Variants in ADAM20 observed in about 807,000 individuals in gnomAD.
ADAM20 encodes the protein disintegrin and metalloproteinase domain-containing protein 20.
For missense variants in ADAM20, 871 were observed against 883.2 expected (o/e 0.99, Z 0.18); for synonymous variants, 305 against 310.2 (o/e 0.98, Z 0.18).
the ADAM20 span, among the ~76,000 whole-genome samples, chr14:70,542,655 A>G: frequency 6.6e-6 from 1 of 152,110 alleles, no homozygotes; most frequent in African/African-American, 2.4e-5. Context: ...TAAAAGGCCT[A>G]TGTCCAGGCA....
At chr14:70,561,382 T>C in the ADAM20 span, among the ~76,000 whole-genome samples, 3 of 152,258 alleles carry the variant, frequency 2.0e-5, no homozygotes, top group Admixed American at 1.3e-4. Context: ...TTGGAACTTG[T>C]ATTTAAAAGA....
At position 70,523,432 on chromosome 14, in the gene ADAM20, A is replaced by G. The variant is rs1883502606; in HGVS notation, c.1326T>C (p.His442=). ...TTCCAAAAGCACAAGCAGCCCCAGG[A>G]TGTAGAGTACAGTTTAACAGACAAC... The part of the protein sequence containing the change: ...DPCCLLNCTL[H]PGAACAFGIC... Residue 442 remains histidine (H), a synonymous_variant, in exon 2 of 2, where the codon CAT becomes CAC. Coordinates refer to ENST00000256389, the MANE Select transcript of ADAM20 (RefSeq NM_003814.5). The G allele has an allele frequency of 9.3e-6, 15 of 1,613,956 alleles. No individual in the cohort carries two copies. Among genetic ancestry groups the G allele is most frequent in the Non-Finnish European group, 1.3e-5 (15 of 1,179,990 alleles).
the ADAM20 span, among the ~76,000 whole-genome samples, chr14:70,578,660 A>G: frequency 6.6e-6 from 1 of 152,132 alleles, no homozygotes; most frequent in Admixed American, 6.5e-5. Context: ...AAAACAAATA[A>G]CATTAAAAGT....
chr14:70,574,264 G>C, the ADAM20 span, among the ~76,000 whole-genome samples: 3 of 152,178 alleles, frequency 2.0e-5, no homozygotes, highest in African/African-American at 7.2e-5. Context: ...TAAATGTCTT[G>C]AGACAAATGA....
At chr14:70,554,372 C>T in the ADAM20 span, among the ~76,000 whole-genome samples, 2 of 152,152 alleles carry the variant, frequency 1.3e-5, no homozygotes, top group African/African-American at 2.4e-5. Context: ...CAATTAACAA[C>T]TCCACTTATA....
chr14:70,555,783 C>T, the ADAM20 span, among the ~76,000 whole-genome samples: 2 of 152,144 alleles, frequency 1.3e-5, no homozygotes, highest in Admixed American at 1.3e-4. Context: ...TGTCTCTACT[C>T]GTCCCTCTGC....
chr14:70,576,017 G>GTT, the ADAM20 span, among the ~76,000 whole-genome samples: 1 of 152,152 alleles, frequency 6.6e-6, no homozygotes, highest in African/African-American at 2.4e-5. Flanking sequence ...CAGTTAGCAT[G>GTT]TTTAACTCAA....
intron 1 of ADAM20, among the ~76,000 whole-genome samples, chr14:70,526,000 C>T (rs546459508): frequency 3.3e-4 from 50 of 152,260 alleles, no homozygotes; most frequent in Middle Eastern, 3.4e-3. Context: ...CCTGGATCTA[C>T]ACATTTCAAT....
rs1434522430 is a variant in ADAM20 at position 70,522,690 on chromosome 14, T to G, written c.2068A>C (p.Lys690Gln). ...NNMEGLNVMG[K>Q]LRYLSLLCLL... ...CACAATAGTGACAGGTAACGCAACTTTCCCATCACATTTAATCCTTCCATG... is the reference window on the plus strand; with the variant it reads ...CACAATAGTGACAGGTAACGCAACTGTCCCATCACATTTAATCCTTCCATG... The change falls in exon 2 of 2, where the codon AAG (lysine) becomes CAG (glutamine). Residue 690 changes from lysine (K) to glutamine (Q), a missense_variant. Transcript: ENST00000256389. The G allele has an allele frequency of 6.2e-7, 1 of 1,613,996 alleles. No individual in the cohort carries two copies. Among genetic ancestry groups the G allele is most frequent in the East Asian group, 2.2e-5 (1 of 44,870 alleles).
the ADAM20 span, among the ~76,000 whole-genome samples, chr14:70,572,975 T>C: frequency 7.9e-5 from 12 of 152,066 alleles, no homozygotes; most frequent in Admixed American, 1.3e-4. Flanking sequence ...TGCTTATAAA[T>C]TGTTGGTAGA....
chr14:70,573,389 G>A, the ADAM20 span, among the ~76,000 whole-genome samples: 17 of 152,136 alleles, frequency 1.1e-4, no homozygotes, highest in Non-Finnish European at 2.2e-4. Flanking sequence ...GGATACACAG[G>A]AGACATAAAG....
chr14:70,567,811 G>A, the ADAM20 span, among the ~76,000 whole-genome samples: 3 of 152,260 alleles, frequency 2.0e-5, no homozygotes, highest in Admixed American at 1.3e-4. Flanking sequence ...GGAACCAAAA[G>A]TATTTATGAA....
Position 70,522,420 on chromosome 14 carries a change from G to T in ADAM20, c.*157C>A. ...TGTAGAGTAAGTAAGAATAGGCTAG[G>T]AATCCTTTGCTGTGATAGCTAATGC... On this transcript the variant is annotated 3_prime_UTR_variant, in exon 2 of 2. Coordinates refer to ENST00000256389, the MANE Select transcript of ADAM20 (RefSeq NM_003814.5). 1 of 744,980 alleles carries T rather than the reference G, an allele frequency of 1.3e-6. No homozygotes were observed. The highest frequency in any genetic ancestry group is 2.1e-6 in the Non-Finnish European group (1 of 472,708). 46.1% of individuals were successfully genotyped at this position (744,980 alleles called of 1,614,324 possible).
chr14:70,559,794 T>C, the ADAM20 span, among the ~76,000 whole-genome samples: 1 of 151,984 alleles, frequency 6.6e-6, no homozygotes, highest in African/African-American at 2.4e-5. Flanking sequence ...TTGACCTGTG[T>C]AGATGGAGGG....
intron 1 of ADAM20, among the ~76,000 whole-genome samples, chr14:70,526,096 G>C (rs1469381942): frequency 6.6e-6 from 1 of 152,186 alleles, no homozygotes; most frequent in African/African-American, 2.4e-5. Flanking sequence ...AATTTGAGTA[G>C]ACTTAAAAAC....
the ADAM20 span, among the ~76,000 whole-genome samples, chr14:70,575,149 T>C: frequency 2.0e-5 from 3 of 150,744 alleles, no homozygotes; most frequent in African/African-American, 7.3e-5. Context: ...AACAATATTG[T>C]ATTGTGTACT....
upstream of ADAM20, among the ~76,000 whole-genome samples, chr14:70,538,924 A>T (rs1182058388): frequency 6.6e-6 from 1 of 152,244 alleles, no homozygotes; most frequent in Non-Finnish European, 1.5e-5. Context: ...CAGCCTGCCA[A>T]GTAGCTGGGA....
At chr14:70,530,961 C>T (rs1053132851) in intron 1 of ADAM20, among the ~76,000 whole-genome samples, 7 of 149,808 alleles carry the variant, frequency 4.7e-5, no homozygotes, top group South Asian at 4.2e-4. Context: ...GAAAAAACTA[C>T]GCTGAAAGTC....
Position 70,524,608 on chromosome 14 carries a change from G to C in ADAM20, c.150C>G (p.Ser50Arg). 6.2e-7 allele frequency: 1 copy of C among 1,613,990 alleles called. No homozygotes were observed. Among genetic ancestry groups the C allele is most frequent in the Non-Finnish European group, 8.5e-7 (1 of 1,179,956 alleles). The change falls in exon 2 of 2, where the codon AGC (serine) becomes AGG (arginine). Residue 50 changes from serine (S) to arginine (R), a missense_variant. Transcript: ENST00000256389. ...PEVVIPLKVISRGRGAKAPGW... is the reference protein window; with the variant it reads ...PEVVIPLKVIRRGRGAKAPGW... Reference sequence around the variant, plus strand: ...CAGGAGCCTTTGCACCTCTGCCCCTGCTGATCACCTTCAAAGGGATCACCA... The same window carrying C: ...CAGGAGCCTTTGCACCTCTGCCCCTCCTGATCACCTTCAAAGGGATCACCA...
Sources: allele counts gnomAD v4.1 joint callset (sites outside exome capture counted in the v4.1 genomes callset), GRCh38; gene constraint gnomAD v4.1.1; transcripts MANE v1.5; gene names NCBI Gene and HGNC (gene_info 2026-07-23, HGNC 2026-07-21).